The following HDAC9 variants were observed in gnomAD, a reference collection of about 807,000 sequenced individuals.
HDAC9 encodes the protein MEF-2 interacting transcription repressor (MITR) protein.
In HDAC9, 41 loss-of-function variants were observed where a neutral mutation model predicts 139.4. That is an observed-to-expected ratio of 0.29 (90% confidence interval 0.23 to 0.38). HDAC9 has a LOEUF of 0.38. Among genes scored for constraint, HDAC9 ranks in the 10% least tolerant of loss-of-function variants. The probability of loss-of-function intolerance (pLI) is 1.00; values close to 1 mark genes in which losing one functional copy is unlikely to be tolerated. For synonymous variants in HDAC9, 517 were observed against 476.2 expected, an observed-to-expected ratio of 1.09 and a Z score of -1.12; for missense variants, 1,147 against 1,297.0, an observed-to-expected ratio of 0.88 and a Z score of 1.78.
intron 1 of HDAC9, among the ~76,000 whole-genome samples, chr7:18,380,382 C>G (rs17139138): frequency 6.6e-6 from 1 of 152,048 alleles, no homozygotes; most frequent in Admixed American, 6.5e-5. Flanking sequence ...AACACCAAAG[C>G]AAAGAGTGTC....
At chr7:18,324,651 C>A (rs747031506) in intron 1 of HDAC9, among the ~76,000 whole-genome samples, 3 of 152,090 alleles carry the variant, frequency 2.0e-5, no homozygotes, top group African/African-American at 7.2e-5. Flanking sequence ...GGGCCCATTG[C>A]GGAACTACTG....
chr7:18,486,422 T>A (rs1392349840), intron 1 of HDAC9, among the ~76,000 whole-genome samples: 1 of 152,132 alleles, frequency 6.6e-6, no homozygotes, highest in African/African-American at 2.4e-5. Flanking sequence ...GTAGGATCTC[T>A]TTAAAGCTGA....
At chr7:18,502,529 T>A (rs911549707) in intron 2 of HDAC9, 2 of 152,242 alleles carry the variant, frequency 1.3e-5, no homozygotes, top group Non-Finnish European at 2.9e-5. Flanking sequence ...TACTTTTTAG[T>A]TTCCACAAAT....
In HDAC9 at chr7:18,996,964, T is replaced by TATCA. The variant is rs1481963074; in HGVS notation, c.*904_*907dup. On this transcript the variant is annotated 3_prime_UTR_variant, in exon 26 of 26. Coordinates refer to ENST00000686413, the MANE Select transcript of HDAC9 (RefSeq NM_178425.4). ...AGGTGGTCTTAATTTGTTGCATATCTATCAAGGACTTATTCACTCACCTTT... is the reference window on the plus strand; with the variant it reads ...AGGTGGTCTTAATTTGTTGCATATCTATCAATCAAGGACTTATTCACTCACCTTT... The TATCA allele has an allele frequency of 3.3e-5, 5 of 152,332 alleles. No homozygotes were observed. Among genetic ancestry groups the TATCA allele is most frequent in the African/African-American group, 9.6e-5 (4 of 41,570 alleles). 9.4% of individuals were successfully genotyped at this position (152,332 alleles called of 1,614,324 possible). A position where few individuals can be genotyped will look rare whatever the true frequency, so the allele number is the denominator to read the frequency against.
chr7:18,360,270 G>T (rs1783672652), intron 1 of HDAC9, among the ~76,000 whole-genome samples: 1 of 152,114 alleles, frequency 6.6e-6, no homozygotes, highest in South Asian at 2.1e-4. Context: ...CTTCCTTTGT[G>T]CCATCATTTT....
At chr7:18,121,182 A>G (rs1263773720) in intron 1 of HDAC9, among the ~76,000 whole-genome samples, 1 of 152,242 alleles carries the variant, frequency 6.6e-6, no homozygotes, top group Non-Finnish European at 1.5e-5. Context: ...CTTACATTTT[A>G]TGAGTGGGAA....
chr7:18,594,049 A>G lies in HDAC9; in HGVS notation c.664+20A>G, dbSNP rs1562499370. On this transcript the variant is annotated intron_variant, in intron 6 of 25. Transcript: ENST00000686413. ...AAACTGGTAAGTTGGTTTAACAGGAACTCTGTTTGCTCTTCTGTAACACAC... is the reference window on the plus strand; with the variant it reads ...AAACTGGTAAGTTGGTTTAACAGGAGCTCTGTTTGCTCTTCTGTAACACAC... 4 of 1,611,126 alleles carry G rather than the reference A, an allele frequency of 2.5e-6. No homozygotes were observed. The highest frequency in any genetic ancestry group is 1.7e-5 in the Admixed American group (1 of 59,778).
chr7:18,544,164 A>T (rs1234466855), intron 2 of HDAC9, among the ~76,000 whole-genome samples: 2 of 152,214 alleles, frequency 1.3e-5, no homozygotes, highest in African/African-American at 4.8e-5. Flanking sequence ...TAGCTAATTG[A>T]TGTTGCTGGC....
In HDAC9 at chr7:18,765,990, C is replaced by A. The variant is rs575130322; in HGVS notation, c.2165-1116C>A. ...CTTTTAGTAATTACATTTAAAAAAC[C>A]AACTAATATGATTTATTGTTTTCAA... is the stretch of plus-strand genomic sequence containing the variant. On this transcript the variant is annotated intron_variant, in intron 15 of 25. Coordinates refer to ENST00000686413, the MANE Select transcript of HDAC9 (RefSeq NM_178425.4). 3.3e-5 allele frequency among the ~76,000 whole-genome samples: 5 copies of A among 151,920 alleles called. No homozygotes were observed. The South Asian group carries it at 1.0e-3, about 32-fold the overall frequency.
intron 16 of HDAC9, among the ~76,000 whole-genome samples, chr7:18,785,020 A>G (rs1791590495): frequency 6.6e-6 from 1 of 151,812 alleles, no homozygotes; most frequent in Admixed American, 6.6e-5. Flanking sequence ...AAATTATATG[A>G]TGTTCCTTGA....
chr7:18,521,653 A>G (rs556779714), intron 2 of HDAC9, among the ~76,000 whole-genome samples: 1 of 152,298 alleles, frequency 6.6e-6, no homozygotes, highest in East Asian at 1.9e-4. Context: ...GATACGTTCA[A>G]TTCAGATTAT....
At chr7:18,228,223 CT>C (rs1216864106) in intron 2 of HDAC9, among the ~76,000 whole-genome samples, 1 of 151,258 alleles carries the variant, frequency 6.6e-6, no homozygotes, top group East Asian at 1.9e-4. Flanking sequence ...AATTACTATT[CT>C]TATTTGAATT....
chr7:18,389,307 A>G (rs1009108279), intron 1 of HDAC9, among the ~76,000 whole-genome samples: 2 of 152,194 alleles, frequency 1.3e-5, no homozygotes, highest in African/African-American at 2.4e-5. Context: ...TAATCACAAT[A>G]ATATTTTATT....
intron 1 of HDAC9, among the ~76,000 whole-genome samples, chr7:18,343,761 C>T (rs1378504575): frequency 5.9e-5 from 9 of 151,780 alleles, no homozygotes; most frequent in Non-Finnish European, 1.2e-4. Context: ...TTTATGGGTA[C>T]TGAACTGCAT....
chr7:18,516,920 C>T (rs1462350260), intron 2 of HDAC9, among the ~76,000 whole-genome samples: 1 of 149,510 alleles, frequency 6.7e-6, no homozygotes, highest in Non-Finnish European at 1.5e-5. Context: ...TCTGCCTTAG[C>T]TGAAAAATCA....
intron 17 of HDAC9, among the ~76,000 whole-genome samples, chr7:18,826,431 C>T (rs1795441532): frequency 2.0e-5 from 3 of 152,014 alleles, no homozygotes; most frequent in Admixed American, 6.6e-5. Flanking sequence ...GTTTGATATT[C>T]CTGAGAGCAC....
intron 1 of HDAC9, among the ~76,000 whole-genome samples, chr7:18,310,435 G>A (rs1167062081): frequency 6.6e-6 from 1 of 152,150 alleles, no homozygotes; most frequent in Non-Finnish European, 1.5e-5. Flanking sequence ...GGTCAGTAAA[G>A]TAAGAGTTAG....
intron 2 of HDAC9, among the ~76,000 whole-genome samples, chr7:18,249,960 C>G (rs1034171428): frequency 6.6e-6 from 1 of 152,090 alleles, no homozygotes; most frequent in Non-Finnish European, 1.5e-5. Context: ...AAATAAATGT[C>G]TTTTCAGCTG....
chr7:18,835,413 T>C lies in HDAC9; in HGVS notation c.2467-54T>C, dbSNP rs1325322976. On this transcript the variant is annotated intron_variant, in intron 19 of 25. Transcript: ENST00000686413. ...GGAACTAGAAATCAGAAAGGTTGTC[T>C]CCACACAAAGTTAGACATGACTGTA... 5.2e-6 allele frequency: 8 copies of C among 1,546,372 alleles called. No individual in the cohort carries two copies. The Admixed American group carries it at 1.6e-4, about 31-fold the overall frequency.
Sources: gnomAD v4.1 joint callset for allele counts (sites outside exome capture counted in the v4.1 genomes callset) on GRCh38, gnomAD v4.1.1 for gene constraint, MANE v1.5 for transcripts, NCBI Gene and HGNC (gene_info 2026-07-23, HGNC 2026-07-21) for gene names.